FHIT: variants seen among roughly 807,000 people sequenced by gnomAD.
The protein encoded by FHIT is fragile histidine triad diadenosine triphosphatase.
Under a neutral mutation model 17.9 loss-of-function variants are expected in FHIT, and 19 were observed. The ratio of observed to expected loss-of-function variants is 1.06; its 90% CI spans 0.74 to 1.56. FHIT has a LOEUF of 1.56. Among genes scored for constraint, FHIT ranks in the 40% most tolerant of loss-of-function variants. The pLI is 0.00. For missense variants in FHIT, 248 were observed against 189.2 expected, an observed-to-expected ratio of 1.31 and a Z score of -1.82; for synonymous variants, 81 against 69.7, an observed-to-expected ratio of 1.16 and a Z score of -0.81.
intron 8 of FHIT, among the ~76,000 whole-genome samples, chr3:59,905,315 C>T (rs1704536461): frequency 6.6e-6 from 1 of 152,202 alleles, no homozygotes; most frequent in South Asian, 2.1e-4. Flanking sequence ...CAAGAATAAA[C>T]TGGAGATGAC....
At chr3:59,863,290 G>C (rs1702488227) in intron 8 of FHIT, among the ~76,000 whole-genome samples, 1 of 152,174 alleles carries the variant, frequency 6.6e-6, no homozygotes, top group Non-Finnish European at 1.5e-5. Flanking sequence ...GACTACTCCA[G>C]TGCTCACTGA....
rs567542762 is a variant in FHIT, at chr3:60,042,589, A to T, written c.104-28437T>A. Among the ~76,000 whole-genome samples the T allele has an allele frequency of 4.6e-5, 7 of 151,982 alleles. No homozygotes were observed. In the East Asian group the frequency reaches 1.4e-3, roughly 30 times the overall value. ...TTTGCTTGTCTGTTGCTATGTCTAA[A>T]TTTCCCTTTCTTTAAGAATACAAGT... is the stretch of plus-strand genomic sequence containing the variant. On this transcript the variant is annotated intron_variant, in intron 5 of 9. Transcript: ENST00000492590.
At chr3:60,320,604 T>C (rs187287611) in intron 5 of FHIT, among the ~76,000 whole-genome samples, 121 of 152,324 alleles carry the variant, frequency 7.9e-4, no homozygotes, top group African/African-American at 2.8e-3. Context: ...CACATTCGAA[T>C]TGGGTAGCAA....
At position 60,114,001 on chromosome 3, in the gene FHIT, CCAAAAAAAAAA is replaced by C. The variant is rs1246432144; in HGVS notation, c.104-99860_104-99850del. Among the ~76,000 whole-genome samples, 10 of 17,918 alleles carry C rather than the reference CCAAAAAAAAAA, an allele frequency of 5.6e-4. 1 individual carries two copies. Among genetic ancestry groups the C allele is most frequent in the African/African-American group, 2.3e-3 (5 of 2,164 alleles). 11.8% of individuals were successfully genotyped at this position (17,918 alleles called of 152,430 possible). ...TGGGCAATAGAACAAGACCCCGTCTCCAAAAAAAAAAAAAAAAAAAAAAAAAAAAAAAAAAA... is the reference window on the plus strand; with the variant it reads ...TGGGCAATAGAACAAGACCCCGTCTCAAAAAAAAAAAAAAAAAAAAAAAAA... On this transcript the variant is annotated intron_variant, in intron 5 of 9. Transcript: ENST00000492590.
At chr3:59,798,337 G>A (rs768330562) in intron 8 of FHIT, among the ~76,000 whole-genome samples, 52 of 152,160 alleles carry the variant, frequency 3.4e-4, no homozygotes, top group Admixed American at 3.9e-4. Flanking sequence ...AGTGCTATAC[G>A]ATTTAGGTAA....
chr3:59,808,607 TTC>T (rs773969608), intron 8 of FHIT, among the ~76,000 whole-genome samples: 10 of 152,220 alleles, frequency 6.6e-5, no homozygotes, highest in Non-Finnish European at 1.2e-4. Flanking sequence ...GCAGACAATC[TTC>T]TCACTCAAGC....
intron 2 of FHIT, among the ~76,000 whole-genome samples, chr3:61,148,776 T>G (rs1171681163): frequency 6.6e-6 from 1 of 152,210 alleles, no homozygotes; most frequent in Non-Finnish European, 1.5e-5. Flanking sequence ...ATATTTCCTT[T>G]TATGGTTATT....
intron 5 of FHIT, among the ~76,000 whole-genome samples, chr3:60,116,325 A>G (rs1704960315): frequency 6.6e-6 from 1 of 152,202 alleles, no homozygotes; most frequent in South Asian, 2.1e-4. Flanking sequence ...TAACTTTTAT[A>G]TGAAAAAGCT....
intron 3 of FHIT, among the ~76,000 whole-genome samples, chr3:60,996,486 C>A (rs925135429): frequency 3.9e-5 from 6 of 152,128 alleles, no homozygotes; most frequent in African/African-American, 1.2e-4. Flanking sequence ...TTTGTTGTTG[C>A]TGTGAGGACT....
intron 3 of FHIT, among the ~76,000 whole-genome samples, chr3:60,835,342 C>T (rs1702499336): frequency 6.6e-6 from 1 of 152,116 alleles, no homozygotes; most frequent in African/African-American, 2.4e-5. Flanking sequence ...TACGCTGTGA[C>T]TTTCAAATCA....
chr3:60,185,626 GTAA>G (rs1056752275), intron 5 of FHIT, among the ~76,000 whole-genome samples: 1 of 152,084 alleles, frequency 6.6e-6, no homozygotes, highest in African/African-American at 2.4e-5. Flanking sequence ...TATCAGTTGG[GTAA>G]ATACCTAGGT....
At chr3:60,573,275 T>C (rs2037449260) in intron 4 of FHIT, among the ~76,000 whole-genome samples, 1 of 152,140 alleles carries the variant, frequency 6.6e-6, no homozygotes, top group African/African-American at 2.4e-5. Flanking sequence ...TCTGAGGGTG[T>C]CCTAGGGACA....
intron 5 of FHIT, among the ~76,000 whole-genome samples, chr3:60,267,262 G>T (rs2107620159): frequency 6.6e-6 from 1 of 151,936 alleles, no homozygotes; most frequent in Middle Eastern, 3.4e-3. Context: ...GACAATGTAG[G>T]GGTTTTGAAT....
intron 3 of FHIT, among the ~76,000 whole-genome samples, chr3:61,038,304 T>C (rs2033351491): frequency 6.6e-6 from 1 of 152,022 alleles, no homozygotes; most frequent in Non-Finnish European, 1.5e-5. Context: ...AGAGACAGCA[T>C]CCCTTAAGAA....
chr3:60,696,137 G>A (rs532970007), intron 4 of FHIT, among the ~76,000 whole-genome samples: 2 of 151,994 alleles, frequency 1.3e-5, no homozygotes, highest in South Asian at 4.2e-4. Flanking sequence ...AAGGAAAGAA[G>A]GAAGGAAGGA....
At chr3:60,687,453 C>G (rs572840747) in intron 4 of FHIT, among the ~76,000 whole-genome samples, 1 of 152,084 alleles carries the variant, frequency 6.6e-6, no homozygotes, top group East Asian at 1.9e-4. Context: ...CATTATTTCT[C>G]TTTTCCAAGC....
At chr3:59,760,180 G>A (rs928080363) in intron 8 of FHIT, among the ~76,000 whole-genome samples, 3 of 152,202 alleles carry the variant, frequency 2.0e-5, no homozygotes, top group African/African-American at 7.2e-5. Flanking sequence ...AGTGCTGCCT[G>A]TGGGGCCAAA....
chr3:60,304,990 G>C (rs1708607276), intron 5 of FHIT, among the ~76,000 whole-genome samples: 1 of 152,122 alleles, frequency 6.6e-6, no homozygotes, highest in Non-Finnish European at 1.5e-5. Flanking sequence ...GAAGGATACA[G>C]ACATTGAATG....
In FHIT at chr3:61,219,030, A is replaced by G. The variant is rs190612132; in HGVS notation, c.-212-18365T>C. ...ACAAACCTAGAAAGTGTAGCCCACT[A>G]TACACTTATCCTATATGGTATAGCC... On this transcript the variant is annotated intron_variant, in intron 1 of 9. Coordinates refer to ENST00000492590, the MANE Select transcript of FHIT (RefSeq NM_002012.4). Among the ~76,000 whole-genome samples, 4 of 152,294 alleles carry G rather than the reference A, an allele frequency of 2.6e-5. No homozygotes were observed. In the East Asian group the frequency reaches 5.8e-4, roughly 22 times the overall value.
Sources: allele counts gnomAD v4.1 joint callset (sites outside exome capture counted in the v4.1 genomes callset), GRCh38; gene constraint gnomAD v4.1.1; transcripts MANE v1.5; gene names NCBI Gene and HGNC (gene_info 2026-07-23, HGNC 2026-07-21).